Variants in TRAP1 observed in about 807,000 individuals in gnomAD.
The protein encoded by TRAP1 is heat shock protein 75 kDa, mitochondrial.
TRAP1 carries 102 observed loss-of-function variants against 89.1 expected under a neutral mutation model. The observed-to-expected ratio is 1.15, with a 90% CI of 0.98 to 1.35. TRAP1 has a LOEUF of 1.35. TRAP1 is among the 40% of genes most tolerant of loss of function. The pLI is 0.00. For synonymous variants in TRAP1, 508 were observed against 388.0 expected, an observed-to-expected ratio of 1.31 and a Z score of -3.64; for missense variants, 1,256 against 945.3, an observed-to-expected ratio of 1.33 and a Z score of -4.31.
Position 3,677,111 on chromosome 16 carries a change from A to G in TRAP1, c.704+387T>C, listed in dbSNP as rs1053744288. On this transcript the variant is annotated intron_variant, in intron 6 of 17. Coordinates refer to ENST00000246957, the MANE Select transcript of TRAP1 (RefSeq NM_016292.3). ...AGGCTCCTCACCCTATAGAGGCAGA[A>G]GTGGGCTGGGGAGACAAAGCCAGGA... Among the ~76,000 whole-genome samples, 3 of 152,010 alleles carry G rather than the reference A, an allele frequency of 2.0e-5. No individual in the cohort carries two copies. In the East Asian group the frequency reaches 5.8e-4, roughly 30 times the overall value.
chr16:3,709,078 G>T (rs568643294), intron 1 of TRAP1, among the ~76,000 whole-genome samples: 1 of 151,870 alleles, frequency 6.6e-6, no homozygotes, highest in South Asian at 2.1e-4. Flanking sequence ...GCCTCCCACA[G>T]TGCTGGGATT....
chr16:3,670,227 A>G (rs1016800969), intron 11 of TRAP1, among the ~76,000 whole-genome samples: 3 of 151,168 alleles, frequency 2.0e-5, no homozygotes, highest in African/African-American at 7.3e-5. Context: ...CTAAAGATAT[A>G]AAAAATCAGC....
At chr16:3,707,690 C>A (rs1485409538) in intron 1 of TRAP1, among the ~76,000 whole-genome samples, 1 of 150,398 alleles carries the variant, frequency 6.6e-6, no homozygotes, top group Admixed American at 6.6e-5. Flanking sequence ...CCCGTCTCTA[C>A]CAAAAATACA....
intron 11 of TRAP1, among the ~76,000 whole-genome samples, chr16:3,670,288 C>T (rs1428195136): frequency 7.1e-6 from 1 of 141,728 alleles, no homozygotes; most frequent in African/African-American, 2.6e-5. Context: ...GAGGCTGAGA[C>T]AGGAGAATGG....
At chr16:3,697,840 G>C (rs2051310423) in intron 1 of TRAP1, among the ~76,000 whole-genome samples, 1 of 150,996 alleles carries the variant, frequency 6.6e-6, no homozygotes, top group South Asian at 2.1e-4. Flanking sequence ...CAGAGCTGGA[G>C]TGAAATGGCG....
In TRAP1 at chr16:3,692,812, T is replaced by C. The variant is rs981266971; in HGVS notation, c.89-1827A>G. Among the ~76,000 whole-genome samples, 9 of 151,984 alleles carry C rather than the reference T, an allele frequency of 5.9e-5. 1 individual carries two copies. The highest frequency in any genetic ancestry group is 2.0e-4 in the Admixed American group (3 of 15,256). On this transcript the variant is annotated intron_variant, in intron 1 of 17. Coordinates refer to ENST00000246957, the MANE Select transcript of TRAP1 (RefSeq NM_016292.3). ...CAGGGTTTCACCATGTTGGCCAGGC[T>C]GGTCTCGAACTCTTGACCTCAGGCG...
chr16:3,710,155 C>T (rs1476906165), intron 1 of TRAP1, among the ~76,000 whole-genome samples: 2 of 152,126 alleles, frequency 1.3e-5, no homozygotes, highest in Admixed American at 6.6e-5. Flanking sequence ...AGAAAAAGAA[C>T]AAAAAGCGAA....
Position 3,672,772 on chromosome 16 carries a change from G to C in TRAP1, c.1093C>G (p.Leu365Val). The C allele has an allele frequency of 3.1e-6, 5 of 1,612,594 alleles. No individual in the cohort carries two copies. Among genetic ancestry groups the C allele is most frequent in the South Asian group, 1.1e-5 (1 of 90,686 alleles). ...TGGATGAGGACTTTGCGGCTGTACA[G>C]TGCAACGCTGGAGCCCAGCTCCCGG... ...VSRELGSSVA[L>V]YSRKVLIQTK... Residue 365 changes from leucine to valine, a missense_variant, in exon 10 of 18, where the codon CTG (leucine) becomes GTG (valine). Physicochemically the swap from Leu to Val is conservative, Grantham distance 32. Coordinates refer to ENST00000246957, the MANE Select transcript of TRAP1 (RefSeq NM_016292.3).
At chr16:3,684,071 C>G (rs1048084154) in intron 4 of TRAP1, among the ~76,000 whole-genome samples, 4 of 151,970 alleles carry the variant, frequency 2.6e-5, no homozygotes, top group Non-Finnish European at 4.4e-5. Context: ...GGGGCTGAGG[C>G]AGGAGAATCA....
chr16:3,658,170 G>A lies in TRAP1; in HGVS notation c.2074C>T (p.Arg692Cys), dbSNP rs143664485. 2.2e-4 allele frequency: 352 copies of A among 1,613,942 alleles called. 2 individuals carry two copies. Among genetic ancestry groups the A allele is most frequent in the African/African-American group, 8.5e-4 (64 of 75,040 alleles). Residue 692 changes from arginine (R) to cysteine (C), a missense_variant, in exon 18 of 18, where the codon CGC becomes TGC. Transcript: ENST00000246957. The part of the protein sequence containing the change: ...LVDDPRAMVG[R>C]LNELLVKALE... Reference sequence around the variant, plus strand: ...GCCTTGACAAGCAGCTCATTCAAGCGGCCCACCATGGCCCTAGGGTCGTCA... The same window carrying A: ...GCCTTGACAAGCAGCTCATTCAAGCAGCCCACCATGGCCCTAGGGTCGTCA...
intron 1 of TRAP1, among the ~76,000 whole-genome samples, chr16:3,712,905 C>T (rs532641080): frequency 3.3e-5 from 5 of 152,266 alleles, no homozygotes; most frequent in South Asian, 4.2e-4. Flanking sequence ...CGAGAGCCAC[C>T]GCGCCCGGCC....
At chr16:3,707,092 A>AGT (rs1201084890) in intron 1 of TRAP1, among the ~76,000 whole-genome samples, 1 of 151,604 alleles carries the variant, frequency 6.6e-6, no homozygotes, top group African/African-American at 2.4e-5. Flanking sequence ...CACCCTAGTG[A>AGT]GTAGGAAGTG....
intron 1 of TRAP1, among the ~76,000 whole-genome samples, chr16:3,707,638 G>A (rs2051467076): frequency 6.6e-6 from 1 of 150,986 alleles, no homozygotes; most frequent in South Asian, 2.1e-4. Context: ...TGGATCGCCT[G>A]AGGTCAGGAG....
At chr16:3,679,000 G>A (rs904568316) in intron 5 of TRAP1, among the ~76,000 whole-genome samples, 2 of 152,216 alleles carry the variant, frequency 1.3e-5, no homozygotes, top group Non-Finnish European at 2.9e-5. Context: ...TGCGGCGTCT[G>A]TGGGTTTGAT....
chr16:3,672,697 T>C lies in TRAP1; in HGVS notation c.1165+3A>G, dbSNP rs750638646. 1 of 1,606,724 alleles carries C rather than the reference T, an allele frequency of 6.2e-7. No individual in the cohort carries two copies. Among genetic ancestry groups the C allele is most frequent in the South Asian group, 1.1e-5 (1 of 89,522 alleles). On this transcript the variant is annotated splice_donor_region_variant and intron_variant, in intron 10 of 17. Transcript: ENST00000246957. ...CACTGCTCACGGACTCTGAGCAGCG[T>C]ACCTCGGATGAAGCGCAGCCACTTG... is the stretch of plus-strand genomic sequence containing the variant.
In TRAP1 at chr16:3,675,318, G is replaced by C; in HGVS notation, c.888+6C>G. ...TGACCAGTCCCTAGAGGAACTCAGG[G>C]CTCACCTGCAAGGTGTTCATCCGCC... is the stretch of plus-strand genomic sequence containing the variant. On this transcript the variant is annotated splice_donor_region_variant and intron_variant, in intron 8 of 17. Coordinates refer to ENST00000246957, the MANE Select transcript of TRAP1 (RefSeq NM_016292.3). 2 of 1,613,880 alleles carry C rather than the reference G, an allele frequency of 1.2e-6. No homozygotes were observed. The highest frequency in any genetic ancestry group is 1.7e-6 in the Non-Finnish European group (2 of 1,179,804).
chr16:3,686,864 A>T (rs1452741162), intron 3 of TRAP1: 1 of 152,188 alleles, frequency 6.6e-6, no homozygotes. Flanking sequence ...CCAGCTACTC[A>T]GGAGGCTGAG....
At chr16:3,694,295 C>A (rs1035769675) in intron 1 of TRAP1, among the ~76,000 whole-genome samples, 1 of 152,088 alleles carries the variant, frequency 6.6e-6, no homozygotes, top group African/African-American at 2.4e-5. Context: ...CTGAAATGAC[C>A]CAAATAAGCT....
chr16:3,694,685 C>T (rs1176920242), intron 1 of TRAP1, among the ~76,000 whole-genome samples: 1 of 152,078 alleles, frequency 6.6e-6, no homozygotes, highest in African/African-American at 2.4e-5. Context: ...TCTTTGTTGC[C>T]CAGCCTGGTC....
Sources: allele counts gnomAD v4.1 joint callset (sites outside exome capture counted in the v4.1 genomes callset), GRCh38; gene constraint gnomAD v4.1.1; transcripts MANE v1.5; gene names NCBI Gene and HGNC (gene_info 2026-07-23, HGNC 2026-07-21).